Variants in TAF7L observed in about 807,000 individuals in gnomAD.
TAF7L encodes TATA-box binding protein associated factor 7 like, also known as transcription initiation factor TFIID subunit 7-like.
In TAF7L, 6 loss-of-function variants were observed where a neutral mutation model predicts 30.2. The observed-to-expected ratio is 0.20, with a 90% CI of 0.11 to 0.39. The LOEUF (loss-of-function observed/expected upper bound fraction) is 0.39, where lower values mean the gene tolerates loss of function less well. Among genes scored for constraint, TAF7L ranks in the 10% least tolerant of loss-of-function variants. TAF7L has a pLI of 1.00. For synonymous variants in TAF7L, 93 were observed against 94.5 expected (o/e 0.98, Z 0.09); for missense variants, 284 against 277.1 (o/e 1.03, Z -0.18).
At chrX:101,286,892 T>C (rs1344764643) in intron 2 of TAF7L, among the ~76,000 whole-genome samples, 1 of 112,106 alleles carries the variant, frequency 8.9e-6, no homozygotes, top group African/African-American at 3.2e-5. Context: ...AGCTCTACAA[T>C]CCTGCCTCTC....
upstream of TAF7L, chrX:101,292,689 A>G: frequency 9.7e-7 from 1 of 1,032,180 alleles, no homozygotes; most frequent in Non-Finnish European, 1.3e-6. Flanking sequence ...TTGCTCCTCA[A>G]GGGGGCCGCA....
chrX:101,287,751 T>A, intron 1 of TAF7L: 1 of 321,615 alleles, frequency 3.1e-6, no homozygotes, highest in Admixed American at 5.8e-5. Flanking sequence ...CTCTCCAATA[T>A]GTGTAGATTT....
At chrX:101,275,945 G>C in intron 11 of TAF7L, 55 bp downstream of exon 11, 1 of 892,508 alleles carries the variant, frequency 1.1e-6, no homozygotes. Flanking sequence ...GAAACACAAA[G>C]GCAAGATACT....
intron 1 of TAF7L, among the ~76,000 whole-genome samples, chrX:101,289,827 G>A (rs1406547940): frequency 9.1e-6 from 1 of 109,622 alleles, no homozygotes; most frequent in Non-Finnish European, 1.9e-5. Flanking sequence ...GACCTCAGGT[G>A]ATCCACCCGC....
intron 3 of TAF7L, among the ~76,000 whole-genome samples, chrX:101,285,453 G>A (rs966285535): frequency 4.2e-5 from 4 of 94,667 alleles, no homozygotes; most frequent in Admixed American, 3.8e-4. Flanking sequence ...AGCCAAGATC[G>A]CGCCACTGCA....
intron 9 of TAF7L, among the ~76,000 whole-genome samples, chrX:101,277,151 CAAAAA>C (rs35984328): frequency 1.2e-4 from 2 of 16,032 alleles, no homozygotes; most frequent in Admixed American, 1.2e-3. Context: ...GACTCTGTCT[CAAAAA>C]AAAAAAAAAA....
chrX:101,277,896 A>G (rs1924267133), intron 8 of TAF7L, among the ~76,000 whole-genome samples, 153 bp downstream of exon 8: 1 of 111,812 alleles, frequency 8.9e-6, no homozygotes, highest in Non-Finnish European at 1.9e-5. Context: ...ATAATTTTCT[A>G]TTACATGAAT....
intron 6 of TAF7L, among the ~76,000 whole-genome samples, chrX:101,281,200 T>C (rs755925666): frequency 8.9e-6 from 1 of 112,311 alleles, no homozygotes; most frequent in Non-Finnish European, 1.9e-5. Flanking sequence ...TATTGTACTA[T>C]AGTTTTGCAA....
At chrX:101,278,869 G>A (rs1924306613) in intron 7 of TAF7L, 125 bp downstream of exon 7, 1 of 560,209 alleles carries the variant, frequency 1.8e-6, no homozygotes, top group Non-Finnish European at 3.0e-6. Context: ...TTTAGGATGA[G>A]GGTTAGAGGT....
chrX:101,283,321 G>A, intron 4 of TAF7L, 129 bp downstream of exon 4: 1 of 726,820 alleles, frequency 1.4e-6, no homozygotes, highest in Non-Finnish European at 2.0e-6. Context: ...TTCCTGTGCA[G>A]TCAATCTGGA....
intron 12 of TAF7L, among the ~76,000 whole-genome samples, chrX:101,274,489 G>C (rs1376661525): frequency 9.0e-6 from 1 of 111,524 alleles, no homozygotes; most frequent in Non-Finnish European, 1.9e-5. Context: ...TTACATGCAT[G>C]AGCCACCACT....
intron 6 of TAF7L, among the ~76,000 whole-genome samples, chrX:101,279,533 G>C (rs923920958): frequency 1.8e-5 from 2 of 111,171 alleles, no homozygotes; most frequent in African/African-American, 6.5e-5. Flanking sequence ...AGGCATGAGA[G>C]TCGCTTGAAC....
intron 2 of TAF7L, 68 bp from the exon 3 acceptor site, chrX:101,286,721 T>C (rs993846928): frequency 8.4e-6 from 7 of 828,707 alleles, no homozygotes; most frequent in Middle Eastern, 3.0e-4. Context: ...AGAATAGATA[T>C]ATCAAAGAAA....
At chrX:101,286,149 C>G (rs1924583056) in intron 3 of TAF7L, among the ~76,000 whole-genome samples, 1 of 104,187 alleles carries the variant, frequency 9.6e-6, no homozygotes, top group Admixed American at 1.0e-4. Context: ...CCACTGCACT[C>G]CAGCCTGGGC....
At chrX:101,275,739 T>C (rs1323225275) in intron 11 of TAF7L, among the ~76,000 whole-genome samples, 1 of 111,928 alleles carries the variant, frequency 8.9e-6, no homozygotes, top group Admixed American at 9.5e-5. Flanking sequence ...TAGCCCTTTA[T>C]GTGCCTTTTA....
chrX:101,278,407 A>G lies in TAF7L; in HGVS notation c.505-286T>C, dbSNP rs188817914. On this transcript the variant is annotated intron_variant, in intron 7 of 12. Transcript: ENST00000356784. Reference sequence around the variant, plus strand: ...GGTAAAGCCCTCTCTCAGAGGTGCAACCCTTAGGTCTCAGTTATAAATTAT... The same window carrying G: ...GGTAAAGCCCTCTCTCAGAGGTGCAGCCCTTAGGTCTCAGTTATAAATTAT... Among the ~76,000 whole-genome samples the G allele has an allele frequency of 6.2e-5, 7 of 112,305 alleles. No individual in the cohort carries two copies. In the East Asian group the frequency reaches 2.0e-3, roughly 31 times the overall value.
At chrX:101,288,144 CT>C (rs367794112) in intron 1 of TAF7L, among the ~76,000 whole-genome samples, 168 of 99,541 alleles carry the variant, frequency 1.7e-3, no homozygotes, top group African/African-American at 2.3e-3. Context: ...GAGTCCAGTT[CT>C]TTTTTTTTTT....
upstream of TAF7L, among the ~76,000 whole-genome samples, chrX:101,291,562 G>C (rs1924805627): frequency 8.9e-6 from 1 of 112,335 alleles, no homozygotes; most frequent in African/African-American, 3.2e-5. Flanking sequence ...AAGCAAGACC[G>C]AGGCTTCAAA....
upstream of TAF7L, chrX:101,292,865 C>G (rs147493489): frequency 1.7e-6 from 2 of 1,211,573 alleles, no homozygotes; most frequent in Non-Finnish European, 2.2e-6. Flanking sequence ...TGAGTGTCCT[C>G]GTCGGCAGGA....
Sources: gnomAD v4.1 joint callset for allele counts (sites outside exome capture counted in the v4.1 genomes callset) on GRCh38, gnomAD v4.1.1 for gene constraint, MANE v1.5 for transcripts, NCBI Gene and HGNC (gene_info 2026-07-23, HGNC 2026-07-21) for gene names.